NHS: variants seen among roughly 807,000 people sequenced by gnomAD.
NHS encodes NHS actin remodeling regulator.
NHS carries 5 observed loss-of-function variants against 72.5 expected under a neutral mutation model. That is an observed-to-expected ratio of 0.07 (90% CI 0.04 to 0.14). NHS has a LOEUF of 0.14. Ranked by LOEUF, NHS falls within the 10% of genes least tolerant of loss-of-function variation. The probability of loss-of-function intolerance (pLI) is 1.00; values close to 1 mark genes in which losing one functional copy is unlikely to be tolerated. For missense variants in NHS, 1,072 were observed against 1,355.7 expected, an observed-to-expected ratio of 0.79 and a Z score of 3.29; for synonymous variants, 464 against 547.7, an observed-to-expected ratio of 0.85 and a Z score of 2.13.
At chrX:17,699,296 T>C (rs2066248700) in intron 3 of NHS, among the ~76,000 whole-genome samples, 2 of 111,792 alleles carry the variant, frequency 1.8e-5, no homozygotes. Flanking sequence ...CTACCAGACA[T>C]TAAGATATAG....
At chrX:17,649,027 T>G (rs2065918625) in intron 1 of NHS, among the ~76,000 whole-genome samples, 1 of 112,067 alleles carries the variant, frequency 8.9e-6, no homozygotes, top group Non-Finnish European at 1.9e-5. Flanking sequence ...GTGAAATCGG[T>G]GTGTAGTGGG....
intron 2 of NHS, among the ~76,000 whole-genome samples, chrX:17,691,326 T>C (rs772645527): frequency 8.9e-6 from 1 of 112,102 alleles, no homozygotes; most frequent in Non-Finnish European, 1.9e-5. Context: ...GATGGTGGCA[T>C]TGGAGGTGGG....
intron 1 of NHS, among the ~76,000 whole-genome samples, chrX:17,406,004 G>A (rs1295234102): frequency 8.9e-6 from 1 of 112,202 alleles, no homozygotes; most frequent in African/African-American, 3.2e-5. Context: ...CACGTTGTGA[G>A]AGCTAGCATG....
intron 3 of NHS, among the ~76,000 whole-genome samples, chrX:17,700,503 C>T (rs2066257185): frequency 9.1e-6 from 1 of 110,047 alleles, no homozygotes; most frequent in African/African-American, 3.3e-5. Context: ...CACATATTAC[C>T]TATGAGACTG....
chrX:17,602,918 G>A (rs148657250), intron 1 of NHS, among the ~76,000 whole-genome samples: 139 of 102,530 alleles, frequency 1.4e-3, no homozygotes, highest in South Asian at 9.7e-3. Context: ...ATAGCTCACC[G>A]CAGCTTCTAA....
At chrX:17,690,977 T>G (rs1473566723) in intron 2 of NHS, among the ~76,000 whole-genome samples, 1 of 111,765 alleles carries the variant, frequency 8.9e-6, no homozygotes, top group African/African-American at 3.3e-5. Context: ...TAAGTTTCAT[T>G]GGTCTAAGGG....
intron 1 of NHS, among the ~76,000 whole-genome samples, chrX:17,569,437 C>T (rs1300386104): frequency 9.1e-6 from 1 of 109,496 alleles, no homozygotes; most frequent in Admixed American, 9.6e-5. Context: ...AGCATTTTTT[C>T]ATGTGTCTGT....
At chrX:17,376,410 C>A in intron 1 of NHS, 88 bp downstream of exon 1, 2 of 865,139 alleles carry the variant, frequency 2.3e-6, no homozygotes, top group Non-Finnish European at 3.3e-6. Context: ...CCCAGCCCCG[C>A]GGCGCCGCTC....
At chrX:17,563,523 T>A (rs2065426165) in intron 1 of NHS, among the ~76,000 whole-genome samples, 1 of 112,552 alleles carries the variant, frequency 8.9e-6, no homozygotes, top group African/African-American at 3.2e-5. Context: ...TTTCAATTAA[T>A]TGACTTGAAG....
At chrX:17,718,816 A>C (rs1184979964) in intron 3 of NHS, among the ~76,000 whole-genome samples, 4 of 88,329 alleles carry the variant, frequency 4.5e-5, no homozygotes, top group Non-Finnish European at 9.0e-5. Context: ...GGAAGGAGGG[A>C]AGGTAGGAAG....
chrX:17,468,204 TA>T (rs773507065), intron 1 of NHS, among the ~76,000 whole-genome samples: 2 of 109,589 alleles, frequency 1.8e-5, no homozygotes, highest in East Asian at 2.9e-4. Context: ...TTGCCAGTGT[TA>T]AAAAAAAATG....
intron 1 of NHS, among the ~76,000 whole-genome samples, chrX:17,615,088 G>A (rs971157760): frequency 3.2e-5 from 3 of 95,198 alleles, no homozygotes; most frequent in African/African-American, 3.9e-5. Flanking sequence ...ATATATATAT[G>A]TGTGTATATA....
chrX:17,645,758 A>AATC (rs1235282527), intron 1 of NHS, among the ~76,000 whole-genome samples: 2 of 112,013 alleles, frequency 1.8e-5, no homozygotes, highest in East Asian at 5.6e-4. Flanking sequence ...GAAATATCCG[A>AATC]ATCATCTGTT....
chrX:17,684,874 G>A (rs2066152735), intron 1 of NHS, among the ~76,000 whole-genome samples: 1 of 111,739 alleles, frequency 8.9e-6, no homozygotes, highest in African/African-American at 3.3e-5. Flanking sequence ...ATAAACAGAG[G>A]AAAAACCTTC....
chrX:17,654,098 A>G (rs760363933), intron 1 of NHS, among the ~76,000 whole-genome samples: 1 of 111,082 alleles, frequency 9.0e-6, no homozygotes, highest in South Asian at 3.9e-4. Flanking sequence ...CCTCCCACTG[A>G]CCCCTCGGTG....
intron 3 of NHS, among the ~76,000 whole-genome samples, chrX:17,708,281 AT>A (rs1194905381): frequency 9.0e-6 from 1 of 111,550 alleles, no homozygotes; most frequent in Non-Finnish European, 1.9e-5. Flanking sequence ...ACTTTCTACA[AT>A]TGGGTCCTAA....
At chrX:17,443,710 C>T in intron 1 of NHS, among the ~76,000 whole-genome samples, 1 of 112,078 alleles carries the variant, frequency 8.9e-6, no homozygotes, top group East Asian at 2.8e-4. Flanking sequence ...TTCCCTCTGC[C>T]TTGTTCAAAT....
At chrX:17,635,417 C>T (rs1200064845) in intron 1 of NHS, 1 of 1,160,354 alleles carries the variant, frequency 8.6e-7, no homozygotes, top group African/African-American at 1.8e-5. Flanking sequence ...ATCTGCCATC[C>T]TCCTTGCAGA....
At chrX:17,482,286 A>G (rs749664606) in intron 1 of NHS, among the ~76,000 whole-genome samples, 9 of 111,752 alleles carry the variant, frequency 8.1e-5, no homozygotes, top group African/African-American at 2.3e-4. Context: ...GGGCTTTTTT[A>G]GGGAGCTCTT....
Sources: allele counts gnomAD v4.1 joint callset (sites outside exome capture counted in the v4.1 genomes callset), GRCh38; gene constraint gnomAD v4.1.1; transcripts MANE v1.5; gene names NCBI Gene and HGNC (gene_info 2026-07-23, HGNC 2026-07-21).